The following SERPINI2 variants were observed in gnomAD, a reference collection of about 807,000 sequenced individuals.
SERPINI2 encodes serpin family I member 2, also known as serpin I2.
SERPINI2 carries 48 observed loss-of-function variants against 47.3 expected under a neutral mutation model. The observed-to-expected ratio is 1.02, with a 90% CI of 0.81 to 1.29. SERPINI2 has a LOEUF of 1.29. Ranked by LOEUF, SERPINI2 falls within the 50% of genes most tolerant of loss-of-function variation. SERPINI2 has a pLI of 0.00. For missense variants in SERPINI2, 448 were observed against 456.9 expected (o/e 0.98, Z 0.18); for synonymous variants, 135 against 149.3 (o/e 0.90, Z 0.70).
At chr3:167,475,152 G>A (rs370855736), upstream of SERPINI2, among the ~76,000 whole-genome samples, 8 of 151,664 alleles carry the variant, frequency 5.3e-5, no homozygotes, top group South Asian at 2.1e-4. Flanking sequence ...TAGATCTTGA[G>A]TTTTATTCTA....
At chr3:167,476,906 C>A (rs1750495415), upstream of SERPINI2, among the ~76,000 whole-genome samples, 1 of 151,978 alleles carries the variant, frequency 6.6e-6, no homozygotes, top group Admixed American at 6.6e-5. Context: ...TTTATAACAT[C>A]TTAACATTCC....
chr3:167,465,503 T>C, exon 4 of SERPINI2: 6 of 1,613,826 alleles, frequency 3.7e-6, no homozygotes, highest in Non-Finnish European at 5.1e-6. Context: ...AGAAGAGCCT[T>C]CATCATTGGA....
At chr3:167,460,487 C>G (rs1419116584) in intron 5 of SERPINI2, among the ~76,000 whole-genome samples, 1 of 152,084 alleles carries the variant, frequency 6.6e-6, no homozygotes, top group Non-Finnish European at 1.5e-5. Flanking sequence ...TGTTAATGAA[C>G]TAAATACATA....
exon 6 of SERPINI2, chr3:167,453,032 A>C (rs766157116): frequency 9.2e-6 from 14 of 1,521,770 alleles, no homozygotes; most frequent in Non-Finnish European, 1.2e-5. Context: ...TCTACTTTAA[A>C]TCTGTTATTA....
At chr3:167,462,644 G>A (rs1296930905) in intron 5 of SERPINI2, among the ~76,000 whole-genome samples, 1 of 152,184 alleles carries the variant, frequency 6.6e-6, no homozygotes, top group Non-Finnish European at 1.5e-5. Context: ...TGGGTGGGGG[G>A]ATGCAATTCA....
intron 5 of SERPINI2, among the ~76,000 whole-genome samples, chr3:167,463,984 T>TG (rs1221150129): frequency 6.7e-6 from 1 of 150,188 alleles, no homozygotes; most frequent in African/African-American, 2.5e-5. Context: ...TTGCAGTAGT[T>TG]GCAGTAGTTG....
intron 7 of SERPINI2, among the ~76,000 whole-genome samples, chr3:167,448,854 G>T (rs1344147691): frequency 1.3e-5 from 2 of 152,152 alleles, no homozygotes; most frequent in Non-Finnish European, 2.9e-5. Flanking sequence ...AGCTTCCCAG[G>T]TGATTTTTAT....
At chr3:167,446,540 T>C in intron 7 of SERPINI2, 59 bp from the exon 8 acceptor site, 1 of 1,101,250 alleles carries the variant, frequency 9.1e-7, no homozygotes, top group Non-Finnish European at 1.3e-6. Context: ...GTAAAGAAAG[T>C]ATATTCATAA....
intron 6 of SERPINI2, among the ~76,000 whole-genome samples, chr3:167,450,481 G>A (rs560602208): frequency 1.3e-5 from 2 of 152,278 alleles, no homozygotes; most frequent in South Asian, 4.1e-4. Flanking sequence ...GTTCCTCAGA[G>A]GACAAAGGAA....
intron 8 of SERPINI2, among the ~76,000 whole-genome samples, chr3:167,443,520 T>C (rs1012146793): frequency 2.0e-5 from 3 of 152,144 alleles, no homozygotes; most frequent in African/African-American, 7.2e-5. Flanking sequence ...TAGATAAAGA[T>C]ACATAAATAC....
chr3:167,467,075 C>T lies in SERPINI2; in HGVS notation c.458G>A (p.Trp153Ter), dbSNP rs1434336461. The T allele has an allele frequency of 1.2e-6, 2 of 1,609,370 alleles. No individual in the cohort carries two copies. Among genetic ancestry groups the T allele is most frequent in the Non-Finnish European group, 1.7e-6 (2 of 1,178,142 alleles). ...TTTACCATCTGTTTTTCTTTCTACC[C>T]AGGTACTTATCATCTCTGCACAAGC... The change falls in exon 3 of 9, where the codon TGG becomes TAG. Residue 153 changes from tryptophan to a stop codon, truncating the protein, a stop_gained. Transcript: ENST00000264677. LOFTEE classifies it high-confidence loss of function.
intron 6 of SERPINI2, among the ~76,000 whole-genome samples, chr3:167,450,555 C>G (rs1005718353): frequency 7.2e-5 from 11 of 152,068 alleles, no homozygotes; most frequent in African/African-American, 2.7e-4. Flanking sequence ...ATATATAAGT[C>G]AATAATAAAT....
upstream of SERPINI2, among the ~76,000 whole-genome samples, chr3:167,475,727 G>GA (rs1560238886): frequency 6.7e-5 from 10 of 149,152 alleles, no homozygotes; most frequent in East Asian, 6.1e-4. Flanking sequence ...GAAAATCGGG[G>GA]TGGGGGGAGA....
At chr3:167,455,990 T>G (rs978572890) in intron 5 of SERPINI2, among the ~76,000 whole-genome samples, 2 of 152,050 alleles carry the variant, frequency 1.3e-5, no homozygotes, top group African/African-American at 4.8e-5. Flanking sequence ...GGGACATAAA[T>G]CCAAACCATA....
upstream of SERPINI2, among the ~76,000 whole-genome samples, chr3:167,475,782 C>A (rs555960704): frequency 6.6e-6 from 1 of 150,660 alleles, no homozygotes; most frequent in East Asian, 2.0e-4. Flanking sequence ...GAAGGTTGAT[C>A]GCCATTACTG....
At chr3:167,467,938 T>C (rs1411901742) in intron 2 of SERPINI2, among the ~76,000 whole-genome samples, 1 of 152,166 alleles carries the variant, frequency 6.6e-6, no homozygotes, top group Non-Finnish European at 1.5e-5. Flanking sequence ...AATAAGTCAG[T>C]CAGGGTCAAC....
intron 7 of SERPINI2, 153 bp from the exon 8 acceptor site, chr3:167,446,634 G>A: frequency 2.2e-6 from 1 of 460,862 alleles, no homozygotes; most frequent in Non-Finnish European, 3.8e-6. Flanking sequence ...AGAGGAATTT[G>A]CAATAAATTT....
upstream of SERPINI2, among the ~76,000 whole-genome samples, chr3:167,476,370 A>G (rs757718460): frequency 2.6e-5 from 4 of 151,954 alleles, no homozygotes; most frequent in Admixed American, 6.6e-5. Context: ...CCAAATTATT[A>G]GAAACAGTTA....
intron 5 of SERPINI2, among the ~76,000 whole-genome samples, chr3:167,463,098 C>T (rs971130407): frequency 1.3e-5 from 2 of 151,836 alleles, no homozygotes; most frequent in Admixed American, 1.3e-4. Flanking sequence ...TGAGACCCCA[C>T]TGGTGGTACA....
Sources: allele counts gnomAD v4.1 joint callset (sites outside exome capture counted in the v4.1 genomes callset), GRCh38; gene constraint gnomAD v4.1.1; transcripts MANE v1.5; gene names NCBI Gene and HGNC (gene_info 2026-07-23, HGNC 2026-07-21).